The following TRIOBP variants were observed in gnomAD, a reference collection of about 807,000 sequenced individuals.
TRIOBP encodes the protein TRIO and F-actin-binding protein.
In TRIOBP, 169 loss-of-function variants were observed where a neutral mutation model predicts 238.8. The observed-to-expected ratio is 0.71, with a 90% confidence interval of 0.62 to 0.80. The LOEUF (loss-of-function observed/expected upper bound fraction) is 0.80, where lower values mean the gene tolerates loss of function less well. Ranked by LOEUF, TRIOBP falls within the 30% of genes least tolerant of loss-of-function variation. The pLI is 0.00. For missense variants in TRIOBP, 2,838 were observed against 3,122.6 expected (o/e 0.91, Z 2.17); for synonymous variants, 1,150 against 1,274.4 (o/e 0.90, Z 2.08).
At chr22:37,716,774 T>C (rs564270648) in intron 6 of TRIOBP, among the ~76,000 whole-genome samples, 6 of 152,244 alleles carry the variant, frequency 3.9e-5, no homozygotes, top group Non-Finnish European at 7.3e-5. Context: ...TAATTAAACC[T>C]GTGCCTCAGG....
intron 21 of TRIOBP, 133 bp from the exon 22 acceptor site, chr22:37,771,517 T>G: frequency 1.1e-5 from 8 of 757,926 alleles, no homozygotes; most frequent in Non-Finnish European, 1.6e-5. Context: ...GCCTCCAGGA[T>G]GTAGAGGGTT....
At position 37,697,973 on chromosome 22, in the gene TRIOBP, G is replaced by A. The variant is rs569688447; in HGVS notation, c.-61+277G>A. On this transcript the variant is annotated intron_variant, in intron 2 of 23. Transcript: ENST00000644935. The stretch of plus-strand genomic sequence containing the variant: ...CCAGCACTTTGGGAGGTCGAGGTGG[G>A]TGGATCACAAGGTCAGGAGTTCGAG... 2.2e-4 allele frequency among the ~76,000 whole-genome samples: 34 copies of A among 152,038 alleles called. 1 individual carries two copies. In the South Asian group the frequency reaches 4.2e-3, roughly 19 times the overall value.
At chr22:37,746,920 G>C (rs1330958498) in intron 11 of TRIOBP, among the ~76,000 whole-genome samples, 1 of 152,048 alleles carries the variant, frequency 6.6e-6, no homozygotes, top group African/African-American at 2.4e-5. Flanking sequence ...TCGGGTGGGC[G>C]AGAAGTGGCC....
chr22:37,702,663 A>C lies in TRIOBP; in HGVS notation c.114+1184A>C, dbSNP rs184947093. On this transcript the variant is annotated intron_variant, in intron 3 of 23. Transcript: ENST00000644935. ...TTTTTTTTTTTTTTTTTTTTTGGAG[A>C]TAGGGTCTTGCTCTGTAGCACAGGC... is the stretch of plus-strand genomic sequence containing the variant. Among the ~76,000 whole-genome samples the C allele has an allele frequency of 6.4e-4, 60 of 93,274 alleles. No individual in the cohort carries two copies. The East Asian group carries it at 0.016, about 25-fold the overall frequency. 61.2% of individuals were successfully genotyped at this position (93,274 alleles called of 152,430 possible).
At chr22:37,736,687 G>A (rs1924685920) in intron 9 of TRIOBP, among the ~76,000 whole-genome samples, 2 of 152,332 alleles carry the variant, frequency 1.3e-5, no homozygotes, top group South Asian at 4.1e-4. Context: ...GAGTGCAATT[G>A]CACAATCTCA....
intron 7 of TRIOBP, among the ~76,000 whole-genome samples, chr22:37,729,766 AT>A (rs1459412445): frequency 6.6e-6 from 1 of 152,170 alleles, no homozygotes; most frequent in African/African-American, 2.4e-5. Context: ...AGTTTTCATA[AT>A]TTTACTGAAT....
At position 37,726,392 on chromosome 22, in the gene TRIOBP, C is replaced by A. The variant is rs749977590; in HGVS notation, c.3836C>A (p.Pro1279His). 6.3e-7 allele frequency: 1 copy of A among 1,587,662 alleles called. No individual in the cohort carries two copies. The highest frequency in any genetic ancestry group is 8.6e-7 in the Non-Finnish European group (1 of 1,166,548). The change falls in exon 7 of 24, where the codon CCC becomes CAC. Residue 1279 changes from proline to histidine, a missense_variant. Transcript: ENST00000644935. ...ACTGTGCTGGCCGACCTGCCCCCAC[C>A]CAGGAGGCTGGCCCAGAGACAGCCA... Reference protein sequence around the residue: ...EYTVLADLPPPRRLAQRQPGP... With the variant: ...EYTVLADLPPHRRLAQRQPGP...
At chr22:37,721,126 C>T (rs1284267547) in intron 6 of TRIOBP, among the ~76,000 whole-genome samples, 1 of 151,890 alleles carries the variant, frequency 6.6e-6, no homozygotes, top group Non-Finnish European at 1.5e-5. Context: ...GCCTCGGCCT[C>T]CCAAAGTGCT....
intron 5 of TRIOBP, among the ~76,000 whole-genome samples, chr22:37,715,166 C>T (rs1923447893): frequency 6.6e-6 from 1 of 152,114 alleles, no homozygotes; most frequent in African/African-American, 2.4e-5. Context: ...AGGCGCCCAC[C>T]ACTATGCCTG....
intron 3 of TRIOBP, among the ~76,000 whole-genome samples, chr22:37,705,464 C>T (rs567026103): frequency 3.3e-4 from 50 of 152,046 alleles, no homozygotes; most frequent in Middle Eastern, 3.4e-3. Context: ...AAGAGGGGGG[C>T]ACAGAGGAGC....
intron 3 of TRIOBP, among the ~76,000 whole-genome samples, chr22:37,702,317 G>A (rs1307677681): frequency 6.6e-6 from 1 of 151,732 alleles, no homozygotes; most frequent in Non-Finnish European, 1.5e-5. Flanking sequence ...CGATCCTCCC[G>A]CCTCAGCCTC....
At chr22:37,772,544 G>C in intron 22 of TRIOBP, 57 bp from the exon 23 acceptor site, 1 of 1,612,580 alleles carries the variant, frequency 6.2e-7, no homozygotes, top group South Asian at 1.1e-5. Flanking sequence ...CATGTGCCCG[G>C]TTGGCAGGGC....
chr22:37,716,552 C>T (rs372971968), intron 6 of TRIOBP, among the ~76,000 whole-genome samples: 1 of 152,186 alleles, frequency 6.6e-6, no homozygotes, highest in East Asian at 1.9e-4. Flanking sequence ...GCCTCAGCCT[C>T]CTAAGTACCT....
At position 37,746,323 on chromosome 22, in the gene TRIOBP, G is replaced by C. The variant is rs1925259920; in HGVS notation, c.5322+5291G>C. On this transcript the variant is annotated intron_variant, in intron 11 of 23. Transcript: ENST00000644935. ...CGGGCGGCCGAGAGGGGCGGCGGCG[G>C]CGGCGGCGGCGGGGTTCCCGCGCCG... 1.5e-5 allele frequency: 17 copies of C among 1,147,638 alleles called. No homozygotes were observed. The South Asian group carries it at 5.9e-4, about 40-fold the overall frequency. 71.1% of individuals were successfully genotyped at this position (1,147,638 alleles called of 1,614,324 possible). A position where few individuals can be genotyped will look rare whatever the true frequency, so the allele number is the denominator to read the frequency against.
At chr22:37,746,040 C>CCCACCCCG (rs1281288201) in intron 11 of TRIOBP, among the ~76,000 whole-genome samples, 157 of 83,324 alleles carry the variant, frequency 1.9e-3, no homozygotes, top group African/African-American at 4.3e-3. Context: ...GCCCCATCCG[C>CCCACCCCG]CCACCCCGCC....
intron 7 of TRIOBP, among the ~76,000 whole-genome samples, chr22:37,729,208 G>A (rs763548503): frequency 4.0e-5 from 6 of 150,556 alleles, no homozygotes; most frequent in African/African-American, 1.2e-4. Flanking sequence ...GTGAGCCACC[G>A]TGCCTGGTCT....
rs768282775 is a variant in TRIOBP, at chr22:37,757,652, C to T, written c.5727C>T (p.Tyr1909=). ...ACAAGGAGAACGCGCTGCACAGCTACAGCACCCAGAAGGGCCCCCTGAAGG... is the reference window on the plus strand; with the variant it reads ...ACAAGGAGAACGCGCTGCACAGCTATAGCACCCAGAAGGGCCCCCTGAAGG... ...DSNKENALHS[Y]STQKGPLKAG... The change falls in exon 16 of 24, where the codon TAC becomes TAT. Residue 1909 remains tyrosine, a synonymous_variant. Transcript: ENST00000644935. 2 of 1,590,932 alleles carry T rather than the reference C, an allele frequency of 1.3e-6. No homozygotes were observed. The highest frequency in any genetic ancestry group is 1.7e-4 in the Middle Eastern group (1 of 6,038).
In TRIOBP at chr22:37,735,057, G is replaced by T; in HGVS notation, c.4721G>T (p.Trp1574Leu). 6.2e-7 allele frequency: 1 copy of T among 1,607,414 alleles called. No homozygotes were observed. Among genetic ancestry groups the T allele is most frequent in the Non-Finnish European group, 8.5e-7 (1 of 1,175,568 alleles). ...GLLRAPGEGV[W>L]ARVPSLDWEG... Reference sequence around the variant, plus strand: ...CTCCGGGCACCAGGAGAGGGGGTCTGGGCCCGTGTCCCCAGCCTGGACTGG... The same window carrying T: ...CTCCGGGCACCAGGAGAGGGGGTCTTGGCCCGTGTCCCCAGCCTGGACTGG... The change falls in exon 9 of 24, where the codon TGG (tryptophan) becomes TTG (leucine). Residue 1574 changes from tryptophan to leucine, a missense_variant. Physicochemically the swap from Trp to Leu is moderately conservative, Grantham distance 61 (BLOSUM62 -2). Coordinates refer to ENST00000644935, the MANE Select transcript of TRIOBP (RefSeq NM_001039141.3).
chr22:37,711,539 A>G (rs1923235248), intron 4 of TRIOBP, among the ~76,000 whole-genome samples: 1 of 149,306 alleles, frequency 6.7e-6, no homozygotes, highest in South Asian at 2.1e-4. Flanking sequence ...AGATCGTGCC[A>G]TTACACTCCA....
Sources: gnomAD v4.1 joint callset for allele counts (sites outside exome capture counted in the v4.1 genomes callset) on GRCh38, gnomAD v4.1.1 for gene constraint, MANE v1.5 for transcripts, NCBI Gene and HGNC (gene_info 2026-07-23, HGNC 2026-07-21) for gene names.